PARP8: variants seen among roughly 807,000 people sequenced by gnomAD.
PARP8 encodes poly(ADP-ribose) polymerase family member 8.
A neutral mutation model predicts 124.1 loss-of-function variants in PARP8; 51 were observed. The observed-to-expected ratio is 0.41, with a 90% confidence interval of 0.33 to 0.52. The LOEUF is 0.52. Ranked by LOEUF, PARP8 falls within the 20% of genes least tolerant of loss-of-function variation. The pLI is 0.21. For synonymous variants in PARP8, 391 were observed against 361.5 expected (o/e 1.08, Z -0.93); for missense variants, 860 against 1,018.9 (o/e 0.84, Z 2.12).
intron 17 of PARP8, among the ~76,000 whole-genome samples, chr5:50,823,876 G>T (rs1363608594): frequency 1.3e-5 from 2 of 152,184 alleles, no homozygotes; most frequent in Non-Finnish European, 2.9e-5. Context: ...CTGTGACCTT[G>T]GGCAAGTTGC....
intron 2 of PARP8, 65 bp downstream of exon 2, chr5:50,668,190 G>A: frequency 2.1e-6 from 3 of 1,410,372 alleles, no homozygotes; most frequent in Admixed American, 3.4e-5. Flanking sequence ...TGTTCTTAGC[G>A]TGTTCCGTGT....
At chr5:50,783,494 C>T (rs924948476) in intron 9 of PARP8, among the ~76,000 whole-genome samples, 26 of 152,174 alleles carry the variant, frequency 1.7e-4, no homozygotes, top group African/African-American at 6.0e-4. Flanking sequence ...CTCTTAACCA[C>T]TTCTGTTGCT....
At chr5:50,809,947 A>G (rs1744254439) in intron 14 of PARP8, among the ~76,000 whole-genome samples, 3 of 152,076 alleles carry the variant, frequency 2.0e-5, no homozygotes, top group Admixed American at 6.6e-5. Context: ...TGGAAAACAT[A>G]AATTTCTTAA....
At chr5:50,717,872 G>T (rs2149497694) in intron 2 of PARP8, among the ~76,000 whole-genome samples, 1 of 151,874 alleles carries the variant, frequency 6.6e-6, no homozygotes, top group East Asian at 1.9e-4. Flanking sequence ...AGAGAGAAGT[G>T]ACTGATGGAT....
chr5:50,708,203 G>A lies in PARP8; in HGVS notation c.146+40078G>A, dbSNP rs1419479455. Among the ~76,000 whole-genome samples the A allele has an allele frequency of 2.0e-5, 3 of 152,038 alleles. No individual in the cohort carries two copies. The East Asian group carries it at 5.8e-4, about 30-fold the overall frequency. On this transcript the variant is annotated intron_variant, in intron 2 of 25. Transcript: ENST00000281631. ...ACACATCAAATAAATTATCAATAAT[G>A]AATTAGTTTTGCCTTCTCCTCCACC...
intron 11 of PARP8, 40 bp from the exon 12 acceptor site, chr5:50,794,813 C>T (rs139762307): frequency 4.6e-6 from 7 of 1,531,738 alleles, no homozygotes; most frequent in Admixed American, 1.7e-5. Flanking sequence ...TCTGATGTAC[C>T]TGTGATTTGC....
intron 25 of PARP8, among the ~76,000 whole-genome samples, chr5:50,837,207 A>C (rs1229643886): frequency 6.6e-6 from 1 of 152,172 alleles, no homozygotes; most frequent in African/African-American, 2.4e-5. Flanking sequence ...TATCATATTA[A>C]GATAATTGTC....
chr5:50,754,116 C>CATATATATATATATATATATATATATAT (rs373375463), intron 3 of PARP8, among the ~76,000 whole-genome samples: 9 of 64,706 alleles, frequency 1.4e-4, no homozygotes, highest in East Asian at 5.4e-4. Context: ...TGAAAACATT[C>CATATATATATATATATATATATATATAT]ATATATATAT....
chr5:50,817,813 A>G (rs1745267819), intron 15 of PARP8, among the ~76,000 whole-genome samples: 1 of 152,174 alleles, frequency 6.6e-6, no homozygotes, highest in Non-Finnish European at 1.5e-5. Context: ...ACTAATGACT[A>G]AAGACTAATG....
At chr5:50,695,365 C>T (rs1411380305) in intron 2 of PARP8, among the ~76,000 whole-genome samples, 1 of 152,144 alleles carries the variant, frequency 6.6e-6, no homozygotes, top group African/African-American at 2.4e-5. Flanking sequence ...AAGTAACAAC[C>T]TAGTGCAGGT....
chr5:50,783,616 G>A (rs570182242), intron 9 of PARP8, among the ~76,000 whole-genome samples: 1 of 152,198 alleles, frequency 6.6e-6, no homozygotes, highest in East Asian at 1.9e-4. Context: ...CACCTACATT[G>A]TGTTCAGATC....
rs2149649222 is a variant in PARP8, at chr5:50,794,895, C to T, written c.906C>T (p.Ser302=). The T allele has an allele frequency of 6.2e-7, 1 of 1,614,034 alleles. No individual in the cohort carries two copies. Among genetic ancestry groups the T allele is most frequent in the Non-Finnish European group, 8.5e-7 (1 of 1,179,986 alleles). ...YPPPGCGKSK[S]KLKSEQDGIS... The stretch of plus-strand genomic sequence containing the variant: ...CCCCTGGTTGTGGCAAAAGCAAATC[C>T]AAACTGAAATCTGAGCAGGACGGAA... The change falls in exon 12 of 26, where the codon TCC becomes TCT. Residue 302 remains serine, a synonymous_variant. Transcript: ENST00000281631.
chr5:50,707,943 T>G (rs2149484695), intron 2 of PARP8, among the ~76,000 whole-genome samples: 1 of 152,268 alleles, frequency 6.6e-6, no homozygotes, highest in African/African-American at 2.4e-5. Context: ...CCACACGATC[T>G]CGCACCATAG....
chr5:50,788,421 T>C, intron 9 of PARP8, 102 bp from the exon 10 acceptor site: 4 of 941,772 alleles, frequency 4.2e-6, no homozygotes, highest in Non-Finnish European at 6.7e-6. Context: ...TAAATGTGTA[T>C]ATGTATATGC....
chr5:50,753,512 C>T (rs1759488799), intron 3 of PARP8, among the ~76,000 whole-genome samples: 1 of 152,042 alleles, frequency 6.6e-6, no homozygotes, highest in African/African-American at 2.4e-5. Flanking sequence ...AGTGACAATA[C>T]TTTCCATATT....
At position 50,846,058 on chromosome 5, in the gene PARP8, T is replaced by C. The variant is rs1033601092; in HGVS notation, c.*3990T>C. Reference sequence around the variant, plus strand: ...AAAAAAGCTGTGTTGACGAATAGATTACATTTCACATTTACCAGCAAGTCA... The same window carrying C: ...AAAAAAGCTGTGTTGACGAATAGATCACATTTCACATTTACCAGCAAGTCA... On this transcript the variant is annotated 3_prime_UTR_variant, in exon 26 of 26. Transcript: ENST00000281631. The C allele has an allele frequency of 2.0e-5, 3 of 151,766 alleles. No homozygotes were observed. The highest frequency in any genetic ancestry group is 7.2e-5 in the African/African-American group (3 of 41,392). The allele number at this position is 151,766 out of a possible 1,614,324, so 9.4% of individuals were successfully genotyped here. A position where few individuals can be genotyped will look rare whatever the true frequency, so the allele number is the denominator to read the frequency against.
chr5:50,700,239 T>G (rs781169028), intron 2 of PARP8, among the ~76,000 whole-genome samples: 18 of 152,202 alleles, frequency 1.2e-4, no homozygotes, highest in Non-Finnish European at 1.0e-4. Context: ...TTTTTATCTG[T>G]TGCTACTATG....
chr5:50,751,649 A>G (rs1759281545), intron 3 of PARP8, among the ~76,000 whole-genome samples: 1 of 152,108 alleles, frequency 6.6e-6, no homozygotes, highest in Admixed American at 6.6e-5. Context: ...TCTGTAGGAA[A>G]GGCAGAACAG....
intron 14 of PARP8, among the ~76,000 whole-genome samples, chr5:50,804,247 A>G (rs1381384158): frequency 6.6e-6 from 1 of 152,200 alleles, no homozygotes; most frequent in East Asian, 1.9e-4. Context: ...ATGGTTTAGT[A>G]CTGGGTGAGT....
Sources: allele counts gnomAD v4.1 joint callset (sites outside exome capture counted in the v4.1 genomes callset), GRCh38; gene constraint gnomAD v4.1.1; transcripts MANE v1.5; gene names NCBI Gene and HGNC (gene_info 2026-07-23, HGNC 2026-07-21).